Variants in TFCP2 observed in about 807,000 individuals in gnomAD.
TFCP2 encodes alpha-globin transcription factor CP2.
In TFCP2, 33 loss-of-function variants were observed where a neutral mutation model predicts 73.4. That is an observed-to-expected ratio of 0.45 (90% CI 0.34 to 0.60). The LOEUF (loss-of-function observed/expected upper bound fraction) is 0.60. Among genes scored for constraint, TFCP2 ranks in the 20% least tolerant of loss-of-function variants. TFCP2 has a pLI of 0.01. For synonymous variants in TFCP2, 193 were observed against 211.6 expected (o/e 0.91, Z 0.76); for missense variants, 352 against 604.0 (o/e 0.58, Z 4.37).
At position 51,163,740 on chromosome 12, in the gene TFCP2, A is replaced by G. The variant is rs577071542; in HGVS notation, c.122+8561T>C. On this transcript the variant is annotated intron_variant, in intron 1 of 14. Coordinates refer to ENST00000257915, the MANE Select transcript of TFCP2 (RefSeq NM_005653.5). ...AGCTCAAGACAAGCCTGGGCACCAT[A>G]GTGAAACCCCCATCTCTACAAAAAA... Among the ~76,000 whole-genome samples the G allele has an allele frequency of 3.9e-5, 6 of 151,920 alleles. No individual in the cohort carries two copies. The East Asian group carries it at 1.2e-3, about 29-fold the overall frequency.
At chr12:51,132,236 G>GTTC (rs1162047617) in intron 1 of TFCP2, among the ~76,000 whole-genome samples, 1 of 151,942 alleles carries the variant, frequency 6.6e-6, no homozygotes, top group Non-Finnish European at 1.5e-5. Context: ...ATGACCCACA[G>GTTC]TTCTCTGTAT....
At chr12:51,157,686 C>CTTT (rs538061913) in intron 1 of TFCP2, among the ~76,000 whole-genome samples, 18 of 96,094 alleles carry the variant, frequency 1.9e-4, no homozygotes, top group African/African-American at 7.6e-4. Flanking sequence ...CTTTTCTTTT[C>CTTT]TTTTTTTTTT....
chr12:51,116,500 C>T, intron 3 of TFCP2, 80 bp from the exon 4 acceptor site: 1 of 694,918 alleles, frequency 1.4e-6, no homozygotes, highest in Admixed American at 2.8e-5. Context: ...GCAGGATTCA[C>T]TGCCAGTTTG....
intron 1 of TFCP2, among the ~76,000 whole-genome samples, chr12:51,136,341 G>C (rs184117965): frequency 1.3e-5 from 2 of 151,240 alleles, no homozygotes; most frequent in Admixed American, 6.6e-5. Flanking sequence ...AAGGTTCCCT[G>C]ACGGAGCATA....
At chr12:51,098,591 A>G (rs1273741035) in intron 13 of TFCP2, among the ~76,000 whole-genome samples, 185 bp downstream of exon 13, 1 of 152,004 alleles carries the variant, frequency 6.6e-6, no homozygotes, top group East Asian at 1.9e-4. Context: ...GGGCCACTGC[A>G]CTCCGGCCTG....
At chr12:51,108,637 G>C (rs1473749893) in intron 6 of TFCP2, among the ~76,000 whole-genome samples, 3 of 152,016 alleles carry the variant, frequency 2.0e-5, no homozygotes, top group Non-Finnish European at 4.4e-5. Flanking sequence ...AGCCCGGTGT[G>C]GTGGCACATG....
intron 1 of TFCP2, among the ~76,000 whole-genome samples, chr12:51,140,495 C>T (rs745433197): frequency 4.3e-5 from 6 of 138,368 alleles, no homozygotes; most frequent in Non-Finnish European, 9.2e-5. Flanking sequence ...AATGTTGCCC[C>T]GGCTAGTCTC....
chr12:51,148,702 A>AG (rs1941352375), intron 1 of TFCP2, among the ~76,000 whole-genome samples: 1 of 148,012 alleles, frequency 6.8e-6, no homozygotes, highest in Non-Finnish European at 1.5e-5. Flanking sequence ...TCTGTCTCAA[A>AG]AAAAAAAAAA....
chr12:51,156,995 G>T (rs2640520), intron 1 of TFCP2: 1 of 151,180 alleles, frequency 6.6e-6, no homozygotes, highest in Non-Finnish European at 1.5e-5. Context: ...GCTTATCGTA[G>T]TCTATTATAA....
At chr12:51,168,386 A>G (rs954971217) in intron 1 of TFCP2, among the ~76,000 whole-genome samples, 1 of 151,888 alleles carries the variant, frequency 6.6e-6, no homozygotes, top group Non-Finnish European at 1.5e-5. Context: ...AGCCTTGGCG[A>G]CAAAGCAAGA....
chr12:51,157,684 TTC>T lies in TFCP2; in HGVS notation c.122+14615_122+14616del, dbSNP rs777911746. 2.9e-3 allele frequency among the ~76,000 whole-genome samples: 271 copies of T among 92,146 alleles called. 2 individuals are homozygous for T. The highest frequency in any genetic ancestry group is 0.01 in the African/African-American group (250 of 23,904). The allele number at this position is 92,146 out of a possible 152,430, so 60.5% of individuals were successfully genotyped here. A position where few individuals can be genotyped will look rare whatever the true frequency, so the allele number is the denominator to read the frequency against. ...AGTAATTTGAGTTTTTTCTTTTCTTTTCTTTTTTTTTTTTTTTTTTGAGACAG... is the reference window on the plus strand; with the variant it reads ...AGTAATTTGAGTTTTTTCTTTTCTTTTTTTTTTTTTTTTTTTTTGAGACAG... On this transcript the variant is annotated intron_variant, in intron 1 of 14. Coordinates refer to ENST00000257915, the MANE Select transcript of TFCP2 (RefSeq NM_005653.5).
chr12:51,169,360 G>A (rs918560878), intron 1 of TFCP2, among the ~76,000 whole-genome samples: 5 of 151,992 alleles, frequency 3.3e-5, no homozygotes, highest in Middle Eastern at 3.4e-3. Flanking sequence ...AATTAGCCGG[G>A]CATGATGGCG....
chr12:51,100,135 T>C (rs1438195647), intron 11 of TFCP2, among the ~76,000 whole-genome samples: 3 of 152,338 alleles, frequency 2.0e-5, no homozygotes, highest in South Asian at 4.1e-4. Context: ...TGCCATTCAC[T>C]TACATTACCT....
chr12:51,104,303 A>C, intron 8 of TFCP2, 100 bp from the exon 9 acceptor site: 1 of 1,030,646 alleles, frequency 9.7e-7, no homozygotes, highest in Non-Finnish European at 1.4e-6. Flanking sequence ...TAGAGATTAA[A>C]AAAAAATCTG....
chr12:51,141,956 G>A (rs1414320268), intron 1 of TFCP2, among the ~76,000 whole-genome samples: 2 of 148,410 alleles, frequency 1.3e-5, no homozygotes, highest in African/African-American at 5.0e-5. Flanking sequence ...TGTAATCCCA[G>A]CAGTTTGGGA....
chr12:51,142,202 G>GAAA (rs1566222544), intron 1 of TFCP2, among the ~76,000 whole-genome samples: 2 of 5,124 alleles, frequency 3.9e-4, no homozygotes, highest in African/African-American at 1.5e-3. Flanking sequence ...AGACTCTGTC[G>GAAA]CAAAAAAAAA....
chr12:51,138,019 C>T (rs554412413), intron 1 of TFCP2, among the ~76,000 whole-genome samples: 109 of 152,298 alleles, frequency 7.2e-4, no homozygotes, highest in Non-Finnish European at 1.4e-3. Context: ...ATCCTGTACT[C>T]CCTACCATGC....
Position 51,095,069 on chromosome 12 carries a change from T to C in TFCP2, c.*172A>G, listed in dbSNP as rs952616691. 4.2e-6 allele frequency: 3 copies of C among 717,844 alleles called. No homozygotes were observed. Among genetic ancestry groups the C allele is most frequent in the African/African-American group, 3.5e-5 (2 of 56,876 alleles). The allele number at this position is 717,844 out of a possible 1,614,324, so 44.5% of individuals were successfully genotyped here. On this transcript the variant is annotated 3_prime_UTR_variant, in exon 15 of 15. Transcript: ENST00000257915. ...AGTAATCTGTGTGTACCACAAGAGCTTGGGCCAACACAGAGGGCCAGGATT... is the reference window on the plus strand; with the variant it reads ...AGTAATCTGTGTGTACCACAAGAGCCTGGGCCAACACAGAGGGCCAGGATT...
At chr12:51,108,455 C>T (rs192660023) in intron 6 of TFCP2, among the ~76,000 whole-genome samples, 1 of 151,996 alleles carries the variant, frequency 6.6e-6, no homozygotes, top group Admixed American at 6.6e-5. Flanking sequence ...ACAATGAGAA[C>T]ATATTTATTC....
Sources: gnomAD v4.1 joint callset for allele counts (sites outside exome capture counted in the v4.1 genomes callset) on GRCh38, gnomAD v4.1.1 for gene constraint, MANE v1.5 for transcripts, NCBI Gene and HGNC (gene_info 2026-07-23, HGNC 2026-07-21) for gene names.